TRIM37: variants seen among roughly 807,000 people sequenced by gnomAD.
TRIM37 encodes the protein E3 ubiquitin-protein ligase TRIM37.
Under a neutral mutation model 129.8 loss-of-function variants are expected in TRIM37, and 80 were observed. The observed-to-expected ratio is 0.62, with a 90% confidence interval of 0.51 to 0.74. The LOEUF is 0.74. Ranked by LOEUF, TRIM37 falls within the 30% of genes least tolerant of loss-of-function variation. TRIM37 has a pLI of 0.00. For missense variants in TRIM37, 1,054 were observed against 1,176.5 expected, an observed-to-expected ratio of 0.90 and a Z score of 1.52; for synonymous variants, 389 against 387.1, an observed-to-expected ratio of 1.00 and a Z score of -0.06.
At chr17:59,103,019 C>T (rs943701048) in intron 2 of TRIM37, among the ~76,000 whole-genome samples, 4 of 151,952 alleles carry the variant, frequency 2.6e-5, no homozygotes, top group Admixed American at 6.6e-5. Flanking sequence ...ACTACAGGAG[C>T]ATGCCACCAT....
chr17:59,007,855 A>G (rs979374169), intron 22 of TRIM37, among the ~76,000 whole-genome samples: 4 of 152,236 alleles, frequency 2.6e-5, no homozygotes, highest in Middle Eastern at 3.2e-3. Context: ...ACAACGCCTT[A>G]AAGTCCTCCA....
intron 2 of TRIM37, among the ~76,000 whole-genome samples, chr17:59,101,785 C>T (rs1338543563): frequency 7.8e-6 from 1 of 128,836 alleles, no homozygotes; most frequent in African/African-American, 2.9e-5. Context: ...TATATATATA[C>T]AAAAATAGCC....
At chr17:59,041,499 C>G (rs1260435302) in intron 17 of TRIM37, among the ~76,000 whole-genome samples, 1 of 152,174 alleles carries the variant, frequency 6.6e-6, no homozygotes, top group South Asian at 2.1e-4. Context: ...CTCTCATTTA[C>G]TAAATTGTTA....
At chr17:59,081,371 G>T in intron 5 of TRIM37, 152 bp from the exon 6 acceptor site, 1 of 1,079,678 alleles carries the variant, frequency 9.3e-7, no homozygotes, top group Non-Finnish European at 1.3e-6. Flanking sequence ...GCAGGCCAGT[G>T]CCCGCTTAAA....
chr17:59,078,930 C>T (rs1303940342), intron 7 of TRIM37, among the ~76,000 whole-genome samples: 1 of 150,826 alleles, frequency 6.6e-6, no homozygotes, highest in Admixed American at 6.6e-5. Flanking sequence ...AAATGATATA[C>T]AAATATACAA....
intron 13 of TRIM37, among the ~76,000 whole-genome samples, chr17:59,055,552 G>A (rs1271571865): frequency 1.3e-5 from 2 of 151,640 alleles, no homozygotes; most frequent in African/African-American, 4.8e-5. Context: ...AACAAAATTA[G>A]CCAGATGCAG....
chr17:58,984,118 T>C (rs1292848379), intron 24 of TRIM37: 2 of 152,666 alleles, frequency 1.3e-5, no homozygotes, highest in South Asian at 2.1e-4. Context: ...GTGCCATCCA[T>C]TGTCCTTGAA....
At chr17:59,092,530 A>C (rs1217863544) in intron 2 of TRIM37, among the ~76,000 whole-genome samples, 1 of 152,096 alleles carries the variant, frequency 6.6e-6, no homozygotes, top group Non-Finnish European at 1.5e-5. Flanking sequence ...TTATATTAAT[A>C]ATTTATTAGG....
In TRIM37 at chr17:59,049,262, G is replaced by A. The variant is rs774383633; in HGVS notation, c.1446C>T (p.Leu482=). Residue 482 remains leucine, a synonymous_variant, in exon 15 of 24, where the codon CTC becomes CTT. Transcript: ENST00000262294. ...AKKSACSDML[L]EGGPTTASVR... ...CAGAAGCTGTAGTAGGACCACCTTC[G>A]AGAAGCATGTCAGAGCATGCAGACT... 38 of 1,613,854 alleles carry A rather than the reference G, an allele frequency of 2.4e-5. No individual in the cohort carries two copies. The highest frequency in any genetic ancestry group is 6.7e-5 in the East Asian group (3 of 44,876).
intron 5 of TRIM37, among the ~76,000 whole-genome samples, chr17:59,083,164 G>A (rs1392771816): frequency 2.0e-5 from 3 of 152,044 alleles, no homozygotes; most frequent in Admixed American, 6.6e-5. Flanking sequence ...GGCTGGGCGC[G>A]GTGGCTTACC....
chr17:58,993,225 G>GT (rs1235393042), downstream of TRIM37, among the ~76,000 whole-genome samples: 2 of 152,194 alleles, frequency 1.3e-5, no homozygotes, highest in African/African-American at 2.4e-5. Context: ...ACGTGGAACT[G>GT]TAAGTCCAAT....
exon 25 of TRIM37, chr17:58,982,710 A>G: frequency 3.9e-6 from 2 of 514,678 alleles, no homozygotes; most frequent in Non-Finnish European, 6.9e-6. Context: ...GACTTTCAGT[A>G]TTTGTTTTCT....
chr17:59,070,158 A>C (rs931635306), intron 9 of TRIM37, among the ~76,000 whole-genome samples: 3 of 152,234 alleles, frequency 2.0e-5, no homozygotes, highest in Non-Finnish European at 4.4e-5. Context: ...AGAAACCACC[A>C]GTCTAACACC....
chr17:58,997,571 C>T (rs1394816212), downstream of TRIM37, among the ~76,000 whole-genome samples: 4 of 152,190 alleles, frequency 2.6e-5, no homozygotes, highest in African/African-American at 2.4e-5. Context: ...AGAAAGGACA[C>T]GTTCACAGAC....
intron 15 of TRIM37, among the ~76,000 whole-genome samples, chr17:59,048,599 T>C (rs567329998): frequency 8.1e-4 from 124 of 152,302 alleles, no homozygotes; most frequent in African/African-American, 2.9e-3. Flanking sequence ...AACACCTTTT[T>C]TTTTTCTTTT....
chr17:59,041,285 G>A (rs75457854), intron 17 of TRIM37, among the ~76,000 whole-genome samples: 6,797 of 152,290 alleles, frequency 0.045, 246 homozygotes, highest in Non-Finnish European at 0.067. Flanking sequence ...TGGGGTTCTA[G>A]TCTGGTTGTA....
chr17:59,035,101 C>T (rs1212044426), intron 17 of TRIM37, among the ~76,000 whole-genome samples: 1 of 151,610 alleles, frequency 6.6e-6, no homozygotes, highest in East Asian at 2.0e-4. Context: ...GCTTTGTCAC[C>T]CAGGCTGGAG....
chr17:58,990,343 T>C (rs771607397), intron 24 of TRIM37, among the ~76,000 whole-genome samples: 10 of 151,130 alleles, frequency 6.6e-5, no homozygotes, highest in Non-Finnish European at 1.2e-4. Flanking sequence ...ACACAAAAAT[T>C]AGCTAAGCAT....
At chr17:59,101,732 A>G (rs2045526636) in intron 2 of TRIM37, among the ~76,000 whole-genome samples, 1 of 147,794 alleles carries the variant, frequency 6.8e-6, no homozygotes, top group South Asian at 2.1e-4. Flanking sequence ...ATATATACAT[A>G]TACATGTTTA....
Sources: gnomAD v4.1 joint callset for allele counts (sites outside exome capture counted in the v4.1 genomes callset) on GRCh38, gnomAD v4.1.1 for gene constraint, MANE v1.5 for transcripts, NCBI Gene and HGNC (gene_info 2026-07-23, HGNC 2026-07-21) for gene names.